The following MAP2K5 variants were observed in gnomAD, a reference collection of about 807,000 sequenced individuals.
MAP2K5 encodes the protein dual specificity mitogen-activated protein kinase kinase 5.
In MAP2K5, 49 loss-of-function variants were observed where a neutral mutation model predicts 83.1. That is an observed-to-expected ratio of 0.59 (90% CI 0.47 to 0.75). MAP2K5 has a LOEUF of 0.75. MAP2K5 is among the 30% of genes least tolerant of loss of function. The pLI is 0.00. For synonymous variants in MAP2K5, 202 were observed against 191.8 expected (o/e 1.05, Z -0.44); for missense variants, 457 against 557.5 (o/e 0.82, Z 1.82).
rs999820035 is a variant in MAP2K5, at chr15:67,782,399, T to C, written c.1242+9647T>C. The stretch of plus-strand genomic sequence containing the variant: ...TGCCCTAACCATTTTGGGGGATTGA[T>C]TTGAGGGCACCGAGGAATCGATTTT... On this transcript the variant is annotated intron_variant, in intron 21 of 21. Transcript: ENST00000178640. The surrounding 1 kb of genome is among the most constrained non-coding windows in gnomAD (Gnocchi z 4.9). Among the ~76,000 whole-genome samples the C allele has an allele frequency of 2.0e-5, 3 of 152,234 alleles. No individual in the cohort carries two copies. Among genetic ancestry groups the C allele is most frequent in the Admixed American group, 6.5e-5 (1 of 15,290 alleles).
intron 9 of MAP2K5, among the ~76,000 whole-genome samples, chr15:67,639,076 T>G (rs571123459): frequency 1.3e-5 from 2 of 152,264 alleles, no homozygotes; most frequent in South Asian, 4.1e-4. Flanking sequence ...GGATAAAGAT[T>G]TCATGATGAA....
intron 11 of MAP2K5, among the ~76,000 whole-genome samples, chr15:67,647,885 G>A (rs977449691): frequency 8.0e-4 from 120 of 150,852 alleles, no homozygotes; most frequent in Admixed American, 2.4e-3. Flanking sequence ...AATAAAAAAA[G>A]GAAAATTAGC....
chr15:67,641,032 T>C (rs1456586612), intron 9 of MAP2K5, among the ~76,000 whole-genome samples: 1 of 152,218 alleles, frequency 6.6e-6, no homozygotes, highest in East Asian at 1.9e-4. Flanking sequence ...TGCAGATAAG[T>C]AGAGCAGAAA....
intron 16 of MAP2K5, among the ~76,000 whole-genome samples, chr15:67,705,024 C>G (rs1345566815): frequency 6.6e-6 from 1 of 152,158 alleles, no homozygotes; most frequent in Non-Finnish European, 1.5e-5. Context: ...AAATATTGAT[C>G]TCTAAGCCCC....
chr15:67,742,004 C>T (rs1252380583), intron 17 of MAP2K5, among the ~76,000 whole-genome samples: 1 of 151,898 alleles, frequency 6.6e-6, no homozygotes, highest in Non-Finnish European at 1.5e-5. Context: ...ATGCCATTCT[C>T]CTGCCTCAGC....
intron 13 of MAP2K5, among the ~76,000 whole-genome samples, chr15:67,675,616 T>C (rs1035276568): frequency 1.3e-5 from 2 of 152,236 alleles, no homozygotes; most frequent in Admixed American, 1.3e-4. Context: ...GATGTCTCTG[T>C]ATTATTTCTT....
intron 6 of MAP2K5, among the ~76,000 whole-genome samples, chr15:67,591,453 C>T (rs1450674193): frequency 6.6e-6 from 1 of 151,496 alleles, no homozygotes; most frequent in African/African-American, 2.4e-5. Flanking sequence ...TGGCTCACTG[C>T]AAGCTCTGCC....
At chr15:67,787,344 T>G (rs1267965052) in intron 21 of MAP2K5, among the ~76,000 whole-genome samples, 1 of 152,252 alleles carries the variant, frequency 6.6e-6, no homozygotes, top group Non-Finnish European at 1.5e-5. Flanking sequence ...TTCTTTTCTG[T>G]GTCCTTTCTG....
intron 3 of MAP2K5, among the ~76,000 whole-genome samples, chr15:67,578,142 G>A (rs1315995877): frequency 6.6e-6 from 1 of 152,218 alleles, no homozygotes; most frequent in East Asian, 1.9e-4. Flanking sequence ...TGAGCATTTT[G>A]TCATGGAGGT....
At chr15:67,620,407 A>G (rs1281243294) in intron 8 of MAP2K5, among the ~76,000 whole-genome samples, 1 of 152,194 alleles carries the variant, frequency 6.6e-6, no homozygotes, top group Non-Finnish European at 1.5e-5. Flanking sequence ...CTACTGATAA[A>G]GTATATACCT....
intron 19 of MAP2K5, among the ~76,000 whole-genome samples, chr15:67,754,314 C>T (rs912172257): frequency 1.3e-5 from 2 of 152,124 alleles, no homozygotes; most frequent in Non-Finnish European, 2.9e-5. Flanking sequence ...CTGTGATGGC[C>T]TGTGTTTAGT....
intron 6 of MAP2K5, chr15:67,588,208 C>A: frequency 2.2e-6 from 1 of 459,526 alleles, no homozygotes; most frequent in Non-Finnish European, 2.9e-6. Flanking sequence ...TACCCCATCC[C>A]ACCTGACATT....
At chr15:67,773,104 C>T (rs2090172707) in intron 21 of MAP2K5, among the ~76,000 whole-genome samples, 1 of 152,066 alleles carries the variant, frequency 6.6e-6, no homozygotes, top group African/African-American at 2.4e-5. Flanking sequence ...TGCAATTCTG[C>T]AGAAAATTTC....
chr15:67,709,478 C>CAAA (rs34286897), intron 16 of MAP2K5, among the ~76,000 whole-genome samples: 88 of 129,668 alleles, frequency 6.8e-4, no homozygotes, highest in African/African-American at 1.0e-3. Flanking sequence ...GACTTCAGGG[C>CAAA]AAAAAAAAAA....
intron 4 of MAP2K5, among the ~76,000 whole-genome samples, chr15:67,582,063 T>C (rs1486707451): frequency 6.7e-6 from 1 of 148,236 alleles, no homozygotes; most frequent in African/African-American, 2.5e-5. Flanking sequence ...TGATTTCTTT[T>C]TTTTTTTTTT....
intron 4 of MAP2K5, among the ~76,000 whole-genome samples, chr15:67,585,153 T>C (rs1303522933): frequency 1.3e-5 from 2 of 151,968 alleles, no homozygotes; most frequent in East Asian, 3.9e-4. Flanking sequence ...AACATACAAT[T>C]TGTAGGGCAC....
chr15:67,632,352 A>G (rs1208767145), intron 9 of MAP2K5, among the ~76,000 whole-genome samples: 1 of 152,194 alleles, frequency 6.6e-6, no homozygotes, highest in Admixed American at 6.5e-5. Flanking sequence ...CTCCTGTCTC[A>G]GCCACCCGAA....
rs1003712010 is a variant in MAP2K5 at position 67,794,676 on chromosome 15, G to A, written c.1243-11970G>A. Among the ~76,000 whole-genome samples the A allele has an allele frequency of 3.4e-5, 5 of 147,990 alleles. No individual in the cohort carries two copies. The highest frequency in any genetic ancestry group is 1.0e-4 in the African/African-American group (4 of 40,196). The stretch of plus-strand genomic sequence containing the variant: ...AAAAAAAGACGGTACTTCATTTAGC[G>A]TTATTTACATTTACCCAAAGTTTTG... On this transcript the variant is annotated intron_variant, in intron 21 of 21. Transcript: ENST00000178640. The surrounding 1 kb of genome is among the most constrained non-coding windows in gnomAD (Gnocchi z 4.6).
chr15:67,713,101 T>A (rs2088735336), intron 16 of MAP2K5, among the ~76,000 whole-genome samples: 1 of 152,196 alleles, frequency 6.6e-6, no homozygotes, highest in African/African-American at 2.4e-5. Flanking sequence ...TTGTACAAGA[T>A]TGCCCTTCTC....
Sources: allele counts gnomAD v4.1 joint callset (sites outside exome capture counted in the v4.1 genomes callset), GRCh38; gene constraint gnomAD v4.1.1; non-coding constraint Gnocchi (gnomAD v3.1); transcripts MANE v1.5; gene names NCBI Gene and HGNC (gene_info 2026-07-23, HGNC 2026-07-21).